Variants in NOL8 observed in about 807,000 individuals in gnomAD.
NOL8 encodes nucleolar protein Nop132.
Under a neutral mutation model 116.1 loss-of-function variants are expected in NOL8, and 93 were observed. That is an observed-to-expected ratio of 0.80 (90% CI 0.68 to 0.95). The LOEUF is 0.95. Among genes scored for constraint, NOL8 ranks in the 40% least tolerant of loss-of-function variants. The probability of loss-of-function intolerance (pLI) is 0.00; values close to 1 mark genes in which losing one functional copy is unlikely to be tolerated. For missense variants in NOL8, 1,291 were observed against 1,382.8 expected (o/e 0.93, Z 1.05); for synonymous variants, 419 against 469.0 (o/e 0.89, Z 1.38).
chr9:92,323,481 T>C lies in NOL8; in HGVS notation c.162A>G (p.Ala54=). 1.9e-6 allele frequency: 3 copies of C among 1,605,758 alleles called. No individual in the cohort carries two copies. The highest frequency in any genetic ancestry group is 1.3e-5 in the African/African-American group (1 of 74,952). ...CTTCTGCTACACTGATGTTGATATA[T>C]GCAAAAACTTTCTGTGGGTTTCCTA... is the stretch of plus-strand genomic sequence containing the variant. ...DDQGNPQKVF[A]YINISVAEAD... is the part of the protein sequence containing the mutation. Residue 54 remains alanine, a synonymous_variant, in exon 3 of 17, where the codon GCA becomes GCG. Coordinates refer to ENST00000442668, the MANE Select transcript of NOL8 (RefSeq NM_017948.6).
intron 12 of NOL8, among the ~76,000 whole-genome samples, chr9:92,302,523 G>A (rs1425391686): frequency 3.9e-5 from 6 of 152,170 alleles, no homozygotes; most frequent in Non-Finnish European, 7.4e-5. Context: ...CCATATCAAA[G>A]AGAGAAACTT....
rs745478096 is a variant in NOL8, at chr9:92,315,259, T to A, written c.1366A>T (p.Ser456Cys). The A allele has an allele frequency of 2.5e-6, 4 of 1,613,990 alleles. No homozygotes were observed. The South Asian group carries it at 4.4e-5, about 18-fold the overall frequency. ...NRKSPSHSSS[S>C]EDADSASELA... ...TCTGATGCAGAATCAGCATCTTCAC[T>A]GCTACTGGAGTGAGAGGGAGATTTA... The change falls in exon 7 of 17, where the codon AGT becomes TGT. Residue 456 changes from serine to cysteine, a missense_variant. Physicochemically the swap from Ser to Cys is moderately radical, Grantham distance 112. Coordinates refer to ENST00000442668, the MANE Select transcript of NOL8 (RefSeq NM_017948.6).
chr9:92,320,497 G>T (rs769557856), intron 4 of NOL8: 21 of 189,642 alleles, frequency 1.1e-4, no homozygotes, highest in Non-Finnish European at 1.9e-4. Flanking sequence ...CCTCAAAGTA[G>T]GTTGCTTGCC....
chr9:92,306,930 T>C lies in NOL8; in HGVS notation c.2781A>G (p.Leu927=), dbSNP rs1454518444. The C allele has an allele frequency of 6.2e-7, 1 of 1,613,516 alleles. No homozygotes were observed. The highest frequency in any genetic ancestry group is 8.5e-7 in the Non-Finnish European group (1 of 1,179,608). Residue 927 remains leucine (L), a synonymous_variant, in exon 11 of 17, where the codon TTA becomes TTG. Transcript: ENST00000442668. ...CTGATCCTCTGTTTGTAGAATTGCT[T>C]AAGTTGATTTGCAAAACACTTTGTA... ...NVVQSVLQIN[L]SNSTNRGSVA... is the part of the protein sequence containing the mutation.
At chr9:92,313,605 A>T (rs986606527) in intron 7 of NOL8, among the ~76,000 whole-genome samples, 5 of 152,236 alleles carry the variant, frequency 3.3e-5, no homozygotes, top group African/African-American at 4.8e-5. Context: ...CTCATGCTGT[A>T]TAAGTTTTAA....
Position 92,298,302 on chromosome 9 carries a change from A to G in NOL8, c.3408T>C (p.Asn1136=). 1.2e-6 allele frequency: 2 copies of G among 1,609,358 alleles called. No individual in the cohort carries two copies. Among genetic ancestry groups the G allele is most frequent in the Non-Finnish European group, 1.7e-6 (2 of 1,177,888 alleles). The change falls in exon 16 of 17, where the codon AAT becomes AAC. Residue 1136 remains asparagine, a synonymous_variant. Transcript: ENST00000442668. ...TGGCCTCCCAAGAGTTCCTGCTCATATTACTTCCTACTCCTCTCCAGAATA... is the reference window on the plus strand; with the variant it reads ...TGGCCTCCCAAGAGTTCCTGCTCATGTTACTTCCTACTCCTCTCCAGAATA... ...SDLFWRGVGS[N]MSRNSWEART...
intron 13 of NOL8, chr9:92,300,825 A>G (rs933960248): frequency 9.0e-7 from 1 of 1,114,840 alleles, no homozygotes. Flanking sequence ...AAAAAAAAAA[A>G]AAAAATTATT....
intron 12 of NOL8, among the ~76,000 whole-genome samples, chr9:92,304,724 C>CT (rs1432145619): frequency 6.6e-6 from 1 of 152,094 alleles, no homozygotes; most frequent in East Asian, 1.9e-4. Context: ...ATAGCCTTCA[C>CT]TTTGTTTTCC....
At position 92,315,545 on chromosome 9, in the gene NOL8, G is replaced by T. The variant is rs17678735; in HGVS notation, c.1080C>A (p.Val360=). 2 of 1,611,786 alleles carry T rather than the reference G, an allele frequency of 1.2e-6. No individual in the cohort carries two copies. Among genetic ancestry groups the T allele is most frequent in the Admixed American group, 1.7e-5 (1 of 59,870 alleles). ...SLIGLGIKNR[V]SCHDSDDDIM... ...TATCATCATCACTATCATGGCAAGA[G>T]ACACGATTTTTGATACCTAAACCTA... The change falls in exon 7 of 17, where the codon GTC becomes GTA. Residue 360 remains valine, a synonymous_variant. Transcript: ENST00000442668.
Position 92,304,466 on chromosome 9 carries a change from G to C in NOL8, c.2903+1287C>G, listed in dbSNP as rs528824833. Among the ~76,000 whole-genome samples the C allele has an allele frequency of 2.8e-4, 43 of 152,296 alleles. 1 individual carries two copies. The South Asian group carries it at 6.2e-3, about 22-fold the overall frequency. On this transcript the variant is annotated intron_variant, in intron 12 of 16. Coordinates refer to ENST00000442668, the MANE Select transcript of NOL8 (RefSeq NM_017948.6). ...AACAGAGAAGCCTCATCTGTACTTAGATCTGATCTGAATGATGACATCCTG... is the reference window on the plus strand; with the variant it reads ...AACAGAGAAGCCTCATCTGTACTTACATCTGATCTGAATGATGACATCCTG...
intron 3 of NOL8, among the ~76,000 whole-genome samples, chr9:92,322,147 G>GA (rs1159410789): frequency 6.6e-6 from 1 of 152,132 alleles, no homozygotes; most frequent in Non-Finnish European, 1.5e-5. Flanking sequence ...CTTTTCAGGT[G>GA]AATCAGAGGA....
chr9:92,305,440 T>C (rs1408910128), intron 12 of NOL8, among the ~76,000 whole-genome samples: 1 of 152,206 alleles, frequency 6.6e-6, no homozygotes, highest in Non-Finnish European at 1.5e-5. Context: ...ATAATTTTTG[T>C]GATTTTAAGT....
At chr9:92,324,333 TC>T in intron 1 of NOL8, 124 bp from the exon 2 acceptor site, 1 of 809,766 alleles carries the variant, frequency 1.2e-6, no homozygotes, top group Non-Finnish European at 1.9e-6. Context: ...TTGTATTACT[TC>T]CAAATTTTAG....
At position 92,323,455 on chromosome 9, in the gene NOL8, G is replaced by A. The variant is rs374296577; in HGVS notation, c.188C>T (p.Ala63Val). 7 of 1,605,180 alleles carry A rather than the reference G, an allele frequency of 4.4e-6. No individual in the cohort carries two copies. The African/African-American group carries it at 5.4e-5, about 12-fold the overall frequency. ...FAYINISVAE[A>V]DLKKCMSVLN... ...GATGATCTTACATTTTTTCAGGTCC[G>A]CTTCTGCTACACTGATGTTGATATA... Residue 63 changes from alanine to valine, a missense_variant, in exon 3 of 17, where the codon GCG becomes GTG. By Grantham distance (64) the Ala-to-Val change is moderately conservative (BLOSUM62 0). Coordinates refer to ENST00000442668, the MANE Select transcript of NOL8 (RefSeq NM_017948.6).
At chr9:92,302,385 A>G (rs1021705638) in intron 12 of NOL8, among the ~76,000 whole-genome samples, 1 of 152,186 alleles carries the variant, frequency 6.6e-6, no homozygotes, top group African/African-American at 2.4e-5. Flanking sequence ...GCAGTTTCCA[A>G]TACTGAATTT....
chr9:92,305,971 T>G (rs1202089619), intron 11 of NOL8, 141 bp from the exon 12 acceptor site: 3 of 621,388 alleles, frequency 4.8e-6, no homozygotes, highest in Non-Finnish European at 8.6e-6. Context: ...ATAAGATAAC[T>G]AGGATCTTAC....
Position 92,307,038 on chromosome 9 carries a change from G to A in NOL8, c.2687-14C>T. Reference sequence around the variant, plus strand: ...TTTCATTTACCTCTTTGAGGAAAAGGGATAATTAATACTCTCTTGGAAAAC... The same window carrying A: ...TTTCATTTACCTCTTTGAGGAAAAGAGATAATTAATACTCTCTTGGAAAAC... On this transcript the variant is annotated splice_polypyrimidine_tract_variant and intron_variant, in intron 10 of 16. Coordinates refer to ENST00000442668, the MANE Select transcript of NOL8 (RefSeq NM_017948.6). 1 of 1,602,652 alleles carries A rather than the reference G, an allele frequency of 6.2e-7. No individual in the cohort carries two copies.
At position 92,314,401 on chromosome 9, in the gene NOL8, T is replaced by C. The variant is rs760957760; in HGVS notation, c.2224A>G (p.Ile742Val). The C allele has an allele frequency of 1.4e-5, 23 of 1,613,526 alleles. No individual in the cohort carries two copies. Among genetic ancestry groups the C allele is most frequent in the Non-Finnish European group, 1.8e-5 (21 of 1,179,596 alleles). The change falls in exon 7 of 17, where the codon ATT (isoleucine) becomes GTT (valine). Residue 742 changes from isoleucine to valine, a missense_variant. Ile to Val is a conservative substitution (Grantham distance 29). Transcript: ENST00000442668. The part of the protein sequence containing the change: ...REIKTDFSLS[I>V]SNSSDVSAKD... ...GCACTCACATCTGACGAATTACTAA[T>C]AGAAAGTGAGAAATCAGTTTTGATT...
chr9:92,301,481 C>A (rs542946205), intron 13 of NOL8, 70 bp downstream of exon 13: 37 of 1,214,882 alleles, frequency 3.0e-5, no homozygotes, highest in Non-Finnish European at 3.9e-5. Flanking sequence ...ATCTGTTACA[C>A]TTAATGCAGA....
Sources: gnomAD v4.1 joint callset for allele counts (sites outside exome capture counted in the v4.1 genomes callset) on GRCh38, gnomAD v4.1.1 for gene constraint, MANE v1.5 for transcripts, NCBI Gene and HGNC (gene_info 2026-07-23, HGNC 2026-07-21) for gene names.